The following MGAT4C variants were observed in gnomAD, a reference collection of about 807,000 sequenced individuals.
MGAT4C encodes alpha-1,3-mannosyl-glycoprotein 4-beta-N-acetylglucosaminyltransferase C.
A neutral mutation model predicts 40.1 loss-of-function variants in MGAT4C; 19 were observed. The ratio of observed to expected loss-of-function variants is 0.47; its 90% CI spans 0.33 to 0.70. MGAT4C has a LOEUF of 0.70. Ranked by LOEUF, MGAT4C falls within the 30% of genes least tolerant of loss-of-function variation. MGAT4C has a pLI of 0.02. For synonymous variants in MGAT4C, 181 were observed against 187.1 expected (o/e 0.97, Z 0.27); for missense variants, 491 against 563.2 (o/e 0.87, Z 1.30).
At chr12:86,353,791 C>G (rs563410956) in intron 3 of MGAT4C, among the ~76,000 whole-genome samples, 1 of 152,288 alleles carries the variant, frequency 6.6e-6, no homozygotes, top group South Asian at 2.1e-4. Context: ...CCCTTTCCCT[C>G]TCTCTGCCTC....
rs564807541 is a variant in MGAT4C at position 86,743,082 on chromosome 12, ATGTG to A, written c.-261-15845_-261-15842del. Among the ~76,000 whole-genome samples, 219 of 144,176 alleles carry A rather than the reference ATGTG, an allele frequency of 1.5e-3. 1 individual carries two copies. The highest frequency in any genetic ancestry group is 5.4e-3 in the African/African-American group (210 of 38,732). 94.6% of individuals were successfully genotyped at this position (144,176 alleles called of 152,430 possible). Reference sequence around the variant, plus strand: ...TGTGTATGTGTGTATGCATGTGTGTATGTGTGTATGTGTGTGTATGTATGTGTGT... The same window carrying A: ...TGTGTATGTGTGTATGCATGTGTGTATGTATGTGTGTGTATGTATGTGTGT... On this transcript the variant is annotated intron_variant, in intron 1 of 7. Transcript: ENST00000548651.
chr12:86,795,513 C>T (rs1952098850), intron 1 of MGAT4C, among the ~76,000 whole-genome samples: 1 of 151,654 alleles, frequency 6.6e-6, no homozygotes. Context: ...TAAAATTCAG[C>T]TTTGTTCATT....
At chr12:86,677,533 C>G (rs890477555) in intron 2 of MGAT4C, among the ~76,000 whole-genome samples, 2 of 152,016 alleles carry the variant, frequency 1.3e-5, no homozygotes, top group African/African-American at 4.8e-5. Flanking sequence ...ATAATGTAAG[C>G]ATTTGGAAAC....
chr12:86,328,865 G>A (rs1954586438), intron 4 of MGAT4C, among the ~76,000 whole-genome samples: 1 of 151,932 alleles, frequency 6.6e-6, no homozygotes, highest in African/African-American at 2.4e-5. Flanking sequence ...CAGCACTTTG[G>A]GAAGCCAAGG....
chr12:86,357,271 G>C (rs1955336536), intron 3 of MGAT4C, among the ~76,000 whole-genome samples: 1 of 152,132 alleles, frequency 6.6e-6, no homozygotes, highest in African/African-American at 2.4e-5. Flanking sequence ...CTGACTATTA[G>C]AAGGAAAACT....
At chr12:86,803,128 G>C (rs1281620073) in intron 1 of MGAT4C, among the ~76,000 whole-genome samples, 1 of 148,148 alleles carries the variant, frequency 6.8e-6, no homozygotes, top group African/African-American at 2.5e-5. Flanking sequence ...ACAACTATCT[G>C]ATCTTTGACA....
intron 2 of MGAT4C, among the ~76,000 whole-genome samples, chr12:86,642,307 T>C (rs946977032): frequency 1.3e-5 from 2 of 151,848 alleles, no homozygotes; most frequent in African/African-American, 4.8e-5. Flanking sequence ...TGACCAAGTG[T>C]GCATAAATCT....
intron 2 of MGAT4C, among the ~76,000 whole-genome samples, chr12:86,455,851 G>T (rs1957501276): frequency 6.6e-6 from 1 of 151,966 alleles, no homozygotes; most frequent in Non-Finnish European, 1.5e-5. Flanking sequence ...GTCTGGTGTG[G>T]TTCTTTCATT....
chr12:86,641,366 T>C (rs1027322497), intron 2 of MGAT4C, among the ~76,000 whole-genome samples: 15 of 150,844 alleles, frequency 9.9e-5, no homozygotes, highest in African/African-American at 3.4e-4. Context: ...CTGGGGACTG[T>C]TGTGGGGTGG....
chr12:86,312,806 G>A (rs1465162494), intron 4 of MGAT4C, among the ~76,000 whole-genome samples: 1 of 152,050 alleles, frequency 6.6e-6, no homozygotes. Flanking sequence ...TAAGGCTATG[G>A]CTACTGAGTC....
intron 2 of MGAT4C, among the ~76,000 whole-genome samples, chr12:86,497,125 G>T (rs767058476): frequency 3.3e-5 from 5 of 151,890 alleles, no homozygotes; most frequent in Non-Finnish European, 4.4e-5. Flanking sequence ...CAATTGCTAA[G>T]AACTTAGTTA....
intron 2 of MGAT4C, among the ~76,000 whole-genome samples, chr12:86,679,247 C>T (rs1278348696): frequency 6.6e-6 from 1 of 152,100 alleles, no homozygotes; most frequent in Non-Finnish European, 1.5e-5. Flanking sequence ...AGTGTCTGTT[C>T]ATATCCTTCA....
chr12:86,693,388 C>A (rs989569783), intron 2 of MGAT4C, among the ~76,000 whole-genome samples: 1 of 151,990 alleles, frequency 6.6e-6, no homozygotes, highest in Non-Finnish European at 1.5e-5. Flanking sequence ...TATTTTTAAA[C>A]AAATGAGGGT....
chr12:86,354,771 C>G (rs1412568314), intron 3 of MGAT4C, among the ~76,000 whole-genome samples: 1 of 152,138 alleles, frequency 6.6e-6, no homozygotes, highest in Non-Finnish European at 1.5e-5. Flanking sequence ...CATTATGTGT[C>G]CGGAGTTGGT....
At chr12:86,526,483 C>T (rs1290063414) in intron 2 of MGAT4C, among the ~76,000 whole-genome samples, 1 of 152,114 alleles carries the variant, frequency 6.6e-6, no homozygotes, top group Admixed American at 6.5e-5. Flanking sequence ...ATGAGGGCTG[C>T]CCTGCTGGAG....
chr12:86,146,166 C>G (rs1185542294), intron 1 of MGAT4C, among the ~76,000 whole-genome samples: 1 of 152,096 alleles, frequency 6.6e-6, no homozygotes, highest in African/African-American at 2.4e-5. Flanking sequence ...ATCCGAAGAC[C>G]TGAAACCAAG....
At chr12:86,300,907 G>A (rs1241479004) in intron 4 of MGAT4C, among the ~76,000 whole-genome samples, 1 of 152,114 alleles carries the variant, frequency 6.6e-6, no homozygotes, top group Admixed American at 6.5e-5. Flanking sequence ...TTCAGTCTAA[G>A]GAGGGATATC....
At chr12:86,321,271 T>A (rs1280845925) in intron 4 of MGAT4C, among the ~76,000 whole-genome samples, 3 of 152,150 alleles carry the variant, frequency 2.0e-5, no homozygotes, top group Non-Finnish European at 1.5e-5. Flanking sequence ...ACCACTTCAG[T>A]TACATTAGCA....
At chr12:86,343,573 G>A (rs995653153) in intron 3 of MGAT4C, among the ~76,000 whole-genome samples, 8 of 152,070 alleles carry the variant, frequency 5.3e-5, no homozygotes, top group African/African-American at 1.9e-4. Flanking sequence ...TATTAGAAAT[G>A]GATTTATGGT....
Sources: allele counts gnomAD v4.1 joint callset (sites outside exome capture counted in the v4.1 genomes callset), GRCh38; gene constraint gnomAD v4.1.1; transcripts MANE v1.5; gene names NCBI Gene and HGNC (gene_info 2026-07-23, HGNC 2026-07-21).